Variants in DOCK11 observed in about 807,000 individuals in gnomAD.
DOCK11 encodes the protein dedicator of cytokinesis 11.
Under a neutral mutation model 169.1 loss-of-function variants are expected in DOCK11, and 70 were observed. The ratio of observed to expected loss-of-function variants is 0.41; its 90% CI spans 0.34 to 0.51. DOCK11 has a LOEUF of 0.51. DOCK11 is among the 20% of genes least tolerant of loss of function. The pLI, the probability that DOCK11 is intolerant of heterozygous loss-of-function variation, is 0.10. For synonymous variants in DOCK11, 529 were observed against 541.3 expected, an observed-to-expected ratio of 0.98 and a Z score of 0.32; for missense variants, 1,166 against 1,538.8, an observed-to-expected ratio of 0.76 and a Z score of 4.05.
At chrX:118,581,984 G>T (rs2013661134) in intron 14 of DOCK11, among the ~76,000 whole-genome samples, 1 of 109,633 alleles carries the variant, frequency 9.1e-6, no homozygotes, top group African/African-American at 3.3e-5. Flanking sequence ...ATAAAAATTA[G>T]CCGGGCGTGA....
At chrX:118,543,360 A>T (rs2012104544) in intron 3 of DOCK11, 151 bp from the exon 4 acceptor site, 1 of 448,719 alleles carries the variant, frequency 2.2e-6, no homozygotes, top group Non-Finnish European at 3.8e-6. Flanking sequence ...ACTGGGTAAG[A>T]GAGACACAGT....
At chrX:118,508,269 T>A (rs1457796185) in intron 1 of DOCK11, among the ~76,000 whole-genome samples, 2 of 111,733 alleles carry the variant, frequency 1.8e-5, no homozygotes, top group East Asian at 5.6e-4. Flanking sequence ...CATGGAACTG[T>A]TTTCATGATT....
rs1208382280 is a variant in DOCK11, at chrX:118,528,591, A to G, written c.103-14134A>G. Among the ~76,000 whole-genome samples the G allele has an allele frequency of 3.6e-5, 4 of 111,449 alleles. No homozygotes were observed. The Admixed American group carries it at 3.8e-4, about 11-fold the overall frequency. The stretch of plus-strand genomic sequence containing the variant: ...GGCTTCTGGAGGCAGGATTGCTCTT[A>G]GTCTAAGGTCTTATGGTAACATTTG... On this transcript the variant is annotated intron_variant, in intron 1 of 52. Coordinates refer to ENST00000276202, the MANE Select transcript of DOCK11 (RefSeq NM_144658.4).
chrX:118,575,147 A>T (rs2013405299), intron 12 of DOCK11, among the ~76,000 whole-genome samples: 1 of 111,972 alleles, frequency 8.9e-6, no homozygotes, highest in African/African-American at 3.2e-5. Flanking sequence ...AAGAAAGTAA[A>T]AGTCTCCACC....
At chrX:118,564,902 T>A (rs1431322764) in intron 7 of DOCK11, among the ~76,000 whole-genome samples, 2 of 110,014 alleles carry the variant, frequency 1.8e-5, no homozygotes, top group Non-Finnish European at 3.8e-5. Flanking sequence ...TGGGATTACA[T>A]GCATAAACCA....
chrX:118,614,684 T>C lies in DOCK11; in HGVS notation c.3097-8T>C. 1 of 1,146,681 alleles carries C rather than the reference T, an allele frequency of 8.7e-7. No homozygotes were observed. The highest frequency in any genetic ancestry group is 3.0e-5 in the East Asian group (1 of 33,256). 94.5% of individuals were successfully genotyped at this position (1,146,681 alleles called of 1,213,427 possible). A position where few individuals can be genotyped will look rare whatever the true frequency, so the allele number is the denominator to read the frequency against. ...AATTAACCCTTAGTTTTGTTTTGGT[T>C]TCTATAGCGCTGTTTGACACTAATG... On this transcript the variant is annotated splice_region_variant and splice_polypyrimidine_tract_variant and intron_variant, in intron 28 of 52. Transcript: ENST00000276202.
At chrX:118,531,431 A>C (rs1382077846) in intron 1 of DOCK11, among the ~76,000 whole-genome samples, 18 of 98,477 alleles carry the variant, frequency 1.8e-4, no homozygotes, top group African/African-American at 5.5e-4. Context: ...AAAAAAAAAA[A>C]AAAAAAAAAA....
intron 48 of DOCK11, 44 bp downstream of exon 48, chrX:118,676,781 AG>A (rs776969905): frequency 2.3e-5 from 25 of 1,108,139 alleles, no homozygotes; most frequent in Non-Finnish European, 2.9e-5. Context: ...TGTTAGTTCC[AG>A]GCATTGTACA....
At chrX:118,674,178 TCTCA>T (rs1239390432) in intron 46 of DOCK11, among the ~76,000 whole-genome samples, 1 of 111,481 alleles carries the variant, frequency 9.0e-6, no homozygotes, top group African/African-American at 3.3e-5. Context: ...TGAGACAGAA[TCTCA>T]CTCTGTCATC....
intron 41 of DOCK11, 27 bp downstream of exon 41, chrX:118,649,154 A>C: frequency 8.9e-7 from 1 of 1,126,183 alleles, no homozygotes; most frequent in Non-Finnish European, 1.2e-6. Context: ...GCGCCTCTTC[A>C]TCTTTCTTCT....
At chrX:118,514,382 A>G (rs1444904705) in intron 1 of DOCK11, among the ~76,000 whole-genome samples, 1 of 111,473 alleles carries the variant, frequency 9.0e-6, no homozygotes, top group Non-Finnish European at 1.9e-5. Context: ...GCGGGGTGAA[A>G]CAAGTCAGAG....
Position 118,681,708 on chromosome X carries a change from A to G in DOCK11, c.5877A>G (p.Pro1959=). 1 of 1,201,460 alleles carries G rather than the reference A, an allele frequency of 8.3e-7. No homozygotes were observed. The highest frequency in any genetic ancestry group is 1.7e-5 in the African/African-American group (1 of 57,557). ...GCVSVQVNAG[P]LAYARAFLND... is the part of the protein sequence containing the mutation. Reference sequence around the variant, plus strand: ...TTGTGATATAGGTCAATGCTGGTCCATTAGCATATGCAAGAGCTTTCTTAA... The same window carrying G: ...TTGTGATATAGGTCAATGCTGGTCCGTTAGCATATGCAAGAGCTTTCTTAA... Residue 1959 remains proline, a synonymous_variant, in exon 51 of 53, where the codon CCA becomes CCG. Transcript: ENST00000276202.
Position 118,685,642 on chromosome X carries a change from T to A in DOCK11, c.6103-46T>A. 4 of 1,182,707 alleles carry A rather than the reference T, an allele frequency of 3.4e-6. No homozygotes were observed. The Middle Eastern group carries it at 9.5e-4, about 280-fold the overall frequency. On this transcript the variant is annotated intron_variant, in intron 52 of 52. Coordinates refer to ENST00000276202, the MANE Select transcript of DOCK11 (RefSeq NM_144658.4). Reference sequence around the variant, plus strand: ...CATATACACATTCTTTTTTTGGCAGTGGCTATTTTGCTTCATGATAATCAT... The same window carrying A: ...CATATACACATTCTTTTTTTGGCAGAGGCTATTTTGCTTCATGATAATCAT...
chrX:118,523,768 A>G (rs1467413307), intron 1 of DOCK11, among the ~76,000 whole-genome samples: 4 of 111,890 alleles, frequency 3.6e-5, no homozygotes, highest in Non-Finnish European at 5.6e-5. Flanking sequence ...ATCATACTCA[A>G]TAATACTTAG....
rs142646794 is a variant in DOCK11 at position 118,520,449 on chromosome X, C to A, written c.103-22276C>A. Among the ~76,000 whole-genome samples, 394 of 112,735 alleles carry A rather than the reference C, an allele frequency of 3.5e-3. 1 individual carries two copies. The highest frequency in any genetic ancestry group is 5.6e-3 in the Non-Finnish European group (299 of 53,332). ...CTTCTGCCAGCTTAATTTATGGTTG[C>A]TTTCCCCTCAAGCAGCCTTTGGATC... On this transcript the variant is annotated intron_variant, in intron 1 of 52. Transcript: ENST00000276202.
chrX:118,531,683 G>A (rs201138825), intron 1 of DOCK11, among the ~76,000 whole-genome samples: 6 of 108,481 alleles, frequency 5.5e-5, no homozygotes, highest in African/African-American at 1.0e-4. Flanking sequence ...TCAGCCTCCC[G>A]AGTAGCTGGG....
chrX:118,537,255 A>G (rs1327831310), intron 1 of DOCK11, among the ~76,000 whole-genome samples: 2 of 111,330 alleles, frequency 1.8e-5, no homozygotes, highest in Admixed American at 9.6e-5. Context: ...GTGGTGGTGC[A>G]GGGATGTTTT....
chrX:118,631,759 G>A (rs925021405), intron 35 of DOCK11, among the ~76,000 whole-genome samples: 4 of 110,629 alleles, frequency 3.6e-5, no homozygotes, highest in South Asian at 3.8e-4. Flanking sequence ...ACAAAAAAGC[G>A]GTTGAATACC....
intron 1 of DOCK11, among the ~76,000 whole-genome samples, chrX:118,538,036 A>G (rs2011821231): frequency 8.9e-6 from 1 of 112,196 alleles, no homozygotes; most frequent in Non-Finnish European, 1.9e-5. Flanking sequence ...TTTTTATTTT[A>G]CTAGAGATAG....
Sources: gnomAD v4.1 joint callset for allele counts (sites outside exome capture counted in the v4.1 genomes callset) on GRCh38, gnomAD v4.1.1 for gene constraint, MANE v1.5 for transcripts, NCBI Gene and HGNC (gene_info 2026-07-23, HGNC 2026-07-21) for gene names.